The following KCNA3 variants were observed in gnomAD, a reference collection of about 807,000 sequenced individuals.
KCNA3 encodes potassium voltage-gated channel subfamily A member 3, also known as RP11-284N8.3.
KCNA3 carries 18 observed loss-of-function variants against 34.3 expected under a neutral mutation model. The observed-to-expected ratio is 0.52, with a 90% CI of 0.36 to 0.78. KCNA3 has a LOEUF of 0.78. Ranked by LOEUF, KCNA3 falls within the 30% of genes least tolerant of loss-of-function variation. KCNA3 has a pLI of 0.00. For missense variants in KCNA3, 587 were observed against 802.5 expected (o/e 0.73, Z 3.24); for synonymous variants, 324 against 351.7 (o/e 0.92, Z 0.88).
Position 110,673,909 on chromosome 1 carries a change from G to T in KCNA3, c.901C>A (p.Leu301Met), listed in dbSNP as rs776056170. Reference sequence around the variant, plus strand: ...TCGAAGGAGAACCAGATGATGCACAGCGTCTCCACCACGAAGAAGGGATCG... The same window carrying T: ...TCGAAGGAGAACCAGATGATGCACATCGTCTCCACCACGAAGAAGGGATCG... ...FSDPFFVVET[L>M]CIIWFSFELL... Residue 301 changes from leucine to methionine, a missense_variant, in exon 1 of 1, where the codon CTG (leucine) becomes ATG (methionine). Physicochemically the swap from Leu to Met is conservative, Grantham distance 15. Around this residue, in one of 7 missense-constraint regions of KCNA3, gnomAD observed 84 missense variants for 223.1 expected, o/e 0.38. Transcript: ENST00000369769. The surrounding 1 kb of genome is among the most constrained non-coding windows in gnomAD (Gnocchi z 8.8). 29 of 1,614,062 alleles carry T rather than the reference G, an allele frequency of 1.8e-5. No individual in the cohort carries two copies. Among genetic ancestry groups the T allele is most frequent in the Non-Finnish European group, 2.4e-5 (28 of 1,180,038 alleles).
At chr1:110,655,017 T>A in the KCNA3 span, 1 of 152,226 alleles carries the variant, frequency 6.6e-6, no homozygotes, top group Non-Finnish European at 1.5e-5. Flanking sequence ...TATAAAAAAA[T>A]TGAGGTGTTG....
downstream of KCNA3, among the ~76,000 whole-genome samples, chr1:110,671,212 A>G (rs1651877533): frequency 6.6e-6 from 1 of 152,040 alleles, no homozygotes; most frequent in Non-Finnish European, 1.5e-5. Context: ...GAACGGAATA[A>G]TTTTCAGTTT....
At chr1:110,671,711 T>C (rs1357016385), downstream of KCNA3, among the ~76,000 whole-genome samples, 1 of 152,176 alleles carries the variant, frequency 6.6e-6, no homozygotes. Context: ...GAAGGTCCCT[T>C]GTAGTAAGGT....
At chr1:110,662,475 G>C in the KCNA3 span, among the ~76,000 whole-genome samples, 2 of 151,998 alleles carry the variant, frequency 1.3e-5, no homozygotes, top group Non-Finnish European at 2.9e-5. Context: ...TAGTTATATG[G>C]GAACTTTGTT....
Position 110,674,098 on chromosome 1 carries a change from T to C in KCNA3, c.712A>G (p.Ile238Val), listed in dbSNP as rs1011487585. 1.1e-5 allele frequency: 17 copies of C among 1,609,556 alleles called. No homozygotes were observed. Among genetic ancestry groups the C allele is most frequent in the Non-Finnish European group, 1.4e-5 (17 of 1,178,128 alleles). The change falls in exon 1 of 1, where the codon ATC (isoleucine) becomes GTC (valine). Residue 238 changes from isoleucine to valine, a missense_variant. Ile to Val is a conservative substitution (Grantham distance 29). This residue lies in a region of KCNA3 where 9 missense variants were observed against 26.8 expected (regional missense o/e 0.34). Coordinates refer to ENST00000369769, the MANE Select transcript of KCNA3 (RefSeq NM_002232.5). This position sits in a 1 kb window ranked among gnomAD's most constrained non-coding sequence, Gnocchi z 6.4. The stretch of plus-strand genomic sequence containing the variant: ...ATGAGGATGACCAGCACGGACACGA[T>C]GGCGATGCCCCGGGCCGGCCCGGAG... ...ESSGPARGIAIVSVLVILISI... is the reference protein window; with the variant it reads ...ESSGPARGIAVVSVLVILISI...
chr1:110,674,653 T>C lies in KCNA3; in HGVS notation c.157A>G (p.Met53Val). 6.5e-7 allele frequency: 1 copy of C among 1,528,416 alleles called. No homozygotes were observed. Among genetic ancestry groups the C allele is most frequent in the Non-Finnish European group, 8.7e-7 (1 of 1,148,748 alleles). The allele number at this position is 1,528,416 out of a possible 1,614,324, so 94.7% of individuals were successfully genotyped here. ...AGGTGGTCCCCGGGCACCACGGTCA[T>C]GTCGGGCGGCAGCTCGCGGCCTGCG... ...PAAGRELPPD[M>V]TVVPGDHLLE... Residue 53 changes from methionine to valine, a missense_variant, in exon 1 of 1, where the codon ATG (methionine) becomes GTG (valine). This residue lies in a region of KCNA3 where 341 missense variants were observed against 355.4 expected (regional missense o/e 0.96). Coordinates refer to ENST00000369769, the MANE Select transcript of KCNA3 (RefSeq NM_002232.5). The surrounding 1 kb of genome is among the most constrained non-coding windows in gnomAD (Gnocchi z 6.4).
In KCNA3 at chr1:110,673,978, C is replaced by T. The variant is rs1204573283; in HGVS notation, c.832G>A (p.Gly278Ser). ...STSQDSFEAA[G>S]NSTSGSRAGA... ...GCGCGGGACCCCGACGTGCTGTTGC[C>T]GGCTGCTTCGAATGAGTCCTGCGAC... The change falls in exon 1 of 1, where the codon GGC becomes AGC. Residue 278 changes from glycine to serine, a missense_variant. Physicochemically the swap from Gly to Ser is moderately conservative, Grantham distance 56. Around this residue, in one of 7 missense-constraint regions of KCNA3, gnomAD observed 50 missense variants for 45.3 expected, o/e 1.10. Transcript: ENST00000369769. This position sits in a 1 kb window ranked among gnomAD's most constrained non-coding sequence, Gnocchi z 8.8. 3.1e-6 allele frequency: 5 copies of T among 1,613,648 alleles called. No individual in the cohort carries two copies. In the South Asian group the frequency reaches 4.4e-5, roughly 14 times the overall value.
rs1210693289 is a variant in KCNA3 at position 110,674,532 on chromosome 1, A to G, written c.278T>C (p.Leu93Pro). 6 of 1,609,292 alleles carry G rather than the reference A, an allele frequency of 3.7e-6. No individual in the cohort carries two copies. The South Asian group carries it at 6.6e-5, about 18-fold the overall frequency. ...GCAGTCCTGCTCGCCCGCGGCCGGC[A>G]GTGAGGGCGGCAGCGGCTCGTAGCG... ...CDRYEPLPPS[L>P]PAAGEQDCCG... Residue 93 changes from leucine (L) to proline (P), a missense_variant, in exon 1 of 1, where the codon CTG (leucine) becomes CCG (proline). Leu to Pro is a moderately conservative substitution (Grantham distance 98). Coordinates refer to ENST00000369769, the MANE Select transcript of KCNA3 (RefSeq NM_002232.5). This position sits in a 1 kb window ranked among gnomAD's most constrained non-coding sequence, Gnocchi z 6.4.
In KCNA3 at chr1:110,674,883, C is replaced by G. The variant is rs1457899231; in HGVS notation, c.-74G>C. ...GCTCCCCGCCCTTTCGCCGCCTCCG[C>G]CCCCGAGCCGAGCCCACCGCCTGTT... On this transcript the variant is annotated 5_prime_UTR_variant, in exon 1 of 1. Transcript: ENST00000369769. This position sits in a 1 kb window ranked among gnomAD's most constrained non-coding sequence, Gnocchi z 6.4. The G allele has an allele frequency of 1.6e-6, 2 of 1,270,454 alleles. No homozygotes were observed. Among genetic ancestry groups the G allele is most frequent in the African/African-American group, 3.1e-5 (2 of 64,278 alleles). 78.7% of individuals were successfully genotyped at this position (1,270,454 alleles called of 1,614,324 possible).
the KCNA3 span, among the ~76,000 whole-genome samples, chr1:110,660,955 T>C: frequency 6.6e-6 from 1 of 152,154 alleles, no homozygotes; most frequent in East Asian, 1.9e-4. Flanking sequence ...ACTCAGTAAA[T>C]ACATGTTGAA....
Position 110,674,772 on chromosome 1 carries a change from G to T in KCNA3, c.38C>A (p.Pro13Gln), listed in dbSNP as rs765624468. 1.2e-4 allele frequency: 161 copies of T among 1,344,548 alleles called. No individual in the cohort carries two copies. The highest frequency in any genetic ancestry group is 6.5e-5 in the Non-Finnish European group (69 of 1,056,236). The allele number at this position is 1,344,548 out of a possible 1,614,324, so 83.3% of individuals were successfully genotyped here. A position where few individuals can be genotyped will look rare whatever the true frequency, so the allele number is the denominator to read the frequency against. The change falls in exon 1 of 1, where the codon CCG becomes CAG. Residue 13 changes from proline to glutamine, a missense_variant. This residue lies in a region of KCNA3 where 341 missense variants were observed against 355.4 expected (regional missense o/e 0.96). Coordinates refer to ENST00000369769, the MANE Select transcript of KCNA3 (RefSeq NM_002232.5). This position sits in a 1 kb window ranked among gnomAD's most constrained non-coding sequence, Gnocchi z 6.4. Reference protein sequence around the residue: ...ERLSLLRSPPPPSARHRAHPP... With the variant: ...ERLSLLRSPPQPSARHRAHPP... ...GTGGGCGCGGTGGCGGGCTGAGGGC[G>T]GCGGCGGCGAGCGCAGAAGGCTGAG...
the KCNA3 span, among the ~76,000 whole-genome samples, chr1:110,664,759 A>G: frequency 6.6e-6 from 1 of 152,218 alleles, no homozygotes; most frequent in African/African-American, 2.4e-5. Flanking sequence ...AAAATAAATA[A>G]AATACCTAAT....
chr1:110,672,238 G>A (rs777888380), downstream of KCNA3, among the ~76,000 whole-genome samples: 2 of 152,166 alleles, frequency 1.3e-5, no homozygotes, highest in Non-Finnish European at 2.9e-5. Flanking sequence ...CCGCTGGAAG[G>A]GGTGTCTGCC....
downstream of KCNA3, among the ~76,000 whole-genome samples, chr1:110,669,233 T>G (rs1038589292): frequency 7.2e-5 from 11 of 152,148 alleles, no homozygotes; most frequent in African/African-American, 2.7e-4. Flanking sequence ...CATAAGGAGA[T>G]AGAAAACTAA....
Position 110,673,005 on chromosome 1 carries a change from A to G in KCNA3, c.*77T>C, listed in dbSNP as rs946553004. The G allele has an allele frequency of 1.0e-5, 14 of 1,370,924 alleles. No individual in the cohort carries two copies. The highest frequency in any genetic ancestry group is 1.4e-5 in the Non-Finnish European group (14 of 997,794). The allele number at this position is 1,370,924 out of a possible 1,614,324, so 84.9% of individuals were successfully genotyped here. On this transcript the variant is annotated 3_prime_UTR_variant, in exon 1 of 1. Coordinates refer to ENST00000369769, the MANE Select transcript of KCNA3 (RefSeq NM_002232.5). The surrounding 1 kb of genome is among the most constrained non-coding windows in gnomAD (Gnocchi z 8.8). Reference sequence around the variant, plus strand: ...TCCTTGATGAATGGTCTGGAAATGTATAAAACAAGGGCATAGGCAGACCAA... The same window carrying G: ...TCCTTGATGAATGGTCTGGAAATGTGTAAAACAAGGGCATAGGCAGACCAA...
rs1172651962 is a variant in KCNA3 at position 110,674,065 on chromosome 1, C to T, written c.745G>A (p.Val249Ile). ...VSVLVILISI[V>I]IFCLETLPEF... ...GGCAGCGTCTCCAGGCAGAAGATGA[C>T]AATGGAGATGAGGATGACCAGCACG... Residue 249 changes from valine (V) to isoleucine (I), a missense_variant, in exon 1 of 1, where the codon GTC becomes ATC. Val to Ile is a conservative substitution (Grantham distance 29). Transcript: ENST00000369769. This position sits in a 1 kb window ranked among gnomAD's most constrained non-coding sequence, Gnocchi z 6.4. 10 of 1,608,434 alleles carry T rather than the reference C, an allele frequency of 6.2e-6. No homozygotes were observed. Among genetic ancestry groups the T allele is most frequent in the Non-Finnish European group, 8.5e-6 (10 of 1,177,100 alleles).
chr1:110,672,815 A>C lies in KCNA3; in HGVS notation c.*267T>G. 2 of 395,052 alleles carry C rather than the reference A, an allele frequency of 5.1e-6. No individual in the cohort carries two copies. Among genetic ancestry groups the C allele is most frequent in the Non-Finnish European group, 9.1e-6 (2 of 220,940 alleles). 24.5% of individuals were successfully genotyped at this position (395,052 alleles called of 1,614,324 possible). Reference sequence around the variant, plus strand: ...TTTTTAAATAGGGCGTGTACTAGAAATGAAGTTTAACGTAAGTCTGTTGTT... The same window carrying C: ...TTTTTAAATAGGGCGTGTACTAGAACTGAAGTTTAACGTAAGTCTGTTGTT... On this transcript the variant is annotated 3_prime_UTR_variant, in exon 1 of 1. Transcript: ENST00000369769.
At chr1:110,656,224 C>T in the KCNA3 span, 1 of 152,070 alleles carries the variant, frequency 6.6e-6, no homozygotes, top group East Asian at 1.9e-4. Flanking sequence ...TTAACTGGAA[C>T]AGACATTCTG....
chr1:110,661,792 A>AT, the KCNA3 span, among the ~76,000 whole-genome samples: 1 of 152,154 alleles, frequency 6.6e-6, no homozygotes, highest in African/African-American at 2.4e-5. Flanking sequence ...CGAAACAAAA[A>AT]TAAAAGTGAT....
Sources: gnomAD v4.1 joint callset for allele counts (sites outside exome capture counted in the v4.1 genomes callset) on GRCh38, gnomAD v4.1.1 for gene constraint, gnomAD v4.1.1 regional missense constraint, Gnocchi (gnomAD v3.1) non-coding constraint, MANE v1.5 for transcripts, NCBI Gene and HGNC (gene_info 2026-07-23, HGNC 2026-07-21) for gene names.